Variants in CREB5 observed in about 807,000 individuals in gnomAD.
CREB5 encodes cAMP responsive element binding protein 5, also known as cyclic AMP-responsive element-binding protein 5.
A neutral mutation model predicts 57.1 loss-of-function variants in CREB5; 19 were observed. The ratio of observed to expected loss-of-function variants is 0.33; its 90% CI spans 0.23 to 0.49. The LOEUF is 0.49. Among genes scored for constraint, CREB5 ranks in the 20% least tolerant of loss-of-function variants. The pLI, the probability that CREB5 is intolerant of heterozygous loss-of-function variation, is 0.99. For missense variants in CREB5, 579 were observed against 671.6 expected, an observed-to-expected ratio of 0.86 and a Z score of 1.52; for synonymous variants, 238 against 238.3, an observed-to-expected ratio of 1.00 and a Z score of 0.01.
intron 4 of CREB5, among the ~76,000 whole-genome samples, chr7:28,523,365 A>G (rs1053626203): frequency 1.3e-5 from 2 of 152,212 alleles, no homozygotes; most frequent in African/African-American, 2.4e-5. Context: ...ATGTTCTCCC[A>G]ATTCAATCGA....
At chr7:28,804,121 G>A in intron 7 of CREB5, 78 bp from the exon 8 acceptor site, 2 of 1,333,802 alleles carry the variant, frequency 1.5e-6, no homozygotes, top group South Asian at 1.3e-5. Flanking sequence ...GAAAATGTGA[G>A]TCATTTTGCT....
In CREB5 at chr7:28,731,497, G is replaced by A. The variant is rs573245776; in HGVS notation, c.702+7165G>A. 1.4e-4 allele frequency among the ~76,000 whole-genome samples: 21 copies of A among 152,240 alleles called. 1 individual carries two copies. Among genetic ancestry groups the A allele is most frequent in the South Asian group, 4.1e-4 (2 of 4,820 alleles). Reference sequence around the variant, plus strand: ...AAATTCCAAAACAGGAAGGGAGTTCGGGGATTCTTTTGGCAAAATCGTTTC... The same window carrying A: ...AAATTCCAAAACAGGAAGGGAGTTCAGGGATTCTTTTGGCAAAATCGTTTC... On this transcript the variant is annotated intron_variant, in intron 7 of 10. Transcript: ENST00000357727.
rs1240662799 is a variant in CREB5 at position 28,560,899 on chromosome 7, TGC to T, written c.292-9460_292-9459del. Among the ~76,000 whole-genome samples the T allele has an allele frequency of 3.1e-3, 58 of 18,656 alleles. 3 individuals carry two copies. The highest frequency in any genetic ancestry group is 8.0e-3 in the Admixed American group (15 of 1,886). 12.2% of individuals were successfully genotyped at this position (18,656 alleles called of 152,430 possible). A position where few individuals can be genotyped will look rare whatever the true frequency, so the allele number is the denominator to read the frequency against. On this transcript the variant is annotated intron_variant, in intron 4 of 10. Transcript: ENST00000357727. ...GCGTGCGTGCGTGCGTGTGTGTGCGTGCGCGCGTGCGTGTGCGTGTGTGCGCG... is the reference window on the plus strand; with the variant it reads ...GCGTGCGTGCGTGCGTGTGTGTGCGTGCGCGTGCGTGTGCGTGTGTGCGCG...
intron 5 of CREB5, among the ~76,000 whole-genome samples, chr7:28,692,493 G>T (rs1801329286): frequency 6.6e-6 from 1 of 152,164 alleles, no homozygotes; most frequent in Non-Finnish European, 1.5e-5. Context: ...AAAGAGCATG[G>T]CCTTTGGGAT....
At chr7:28,401,521 G>A (rs976337976) in intron 1 of CREB5, among the ~76,000 whole-genome samples, 8 of 151,792 alleles carry the variant, frequency 5.3e-5, no homozygotes, top group Non-Finnish European at 7.4e-5. Flanking sequence ...CCATTAACTC[G>A]TCATTTACAT....
At chr7:28,560,542 A>C (rs1424568587) in intron 4 of CREB5, among the ~76,000 whole-genome samples, 1 of 152,130 alleles carries the variant, frequency 6.6e-6, no homozygotes, top group Non-Finnish European at 1.5e-5. Context: ...GCCAGGAACC[A>C]GGCTCCTATA....
chr7:28,321,812 T>C (rs995637310), intron 1 of CREB5, among the ~76,000 whole-genome samples: 15 of 152,222 alleles, frequency 9.9e-5, no homozygotes, highest in African/African-American at 3.4e-4. Flanking sequence ...ATTTTCAACA[T>C]GATCACAGAG....
At chr7:28,818,860 A>G (rs573701119) in intron 10 of CREB5, 3 of 571,232 alleles carry the variant, frequency 5.3e-6, no homozygotes, top group African/African-American at 3.7e-5. Context: ...TCACATATCC[A>G]TGACTGAAAC....
intron 5 of CREB5, among the ~76,000 whole-genome samples, chr7:28,690,284 T>A (rs1238191752): frequency 2.0e-5 from 3 of 152,128 alleles, no homozygotes; most frequent in African/African-American, 7.2e-5. Context: ...AGAAGAGGCA[T>A]CAATCTCTTC....
chr7:28,483,301 G>T (rs1003624801), intron 1 of CREB5, among the ~76,000 whole-genome samples: 1 of 152,192 alleles, frequency 6.6e-6, no homozygotes, highest in Admixed American at 6.5e-5. Context: ...AATTTGTGGG[G>T]TCAGACACTG....
rs56266854 is a variant in CREB5, at chr7:28,679,052, CT to C, written c.465-39684del. ...CAAACTCATTTTTACTTTTGTAGTT[CT>C]TTTTTTTTTTTTTTTTCATTTAAGC... On this transcript the variant is annotated intron_variant, in intron 5 of 10. Coordinates refer to ENST00000357727, the MANE Select transcript of CREB5 (RefSeq NM_182898.4). Among the ~76,000 whole-genome samples, 153 of 123,854 alleles carry C rather than the reference CT, an allele frequency of 1.2e-3. 2 individuals carry two copies. The highest frequency in any genetic ancestry group is 4.9e-3 in the Middle Eastern group (1 of 206). 81.3% of individuals were successfully genotyped at this position (123,854 alleles called of 152,430 possible). A position where few individuals can be genotyped will look rare whatever the true frequency, so the allele number is the denominator to read the frequency against.
At chr7:28,403,423 A>G (rs771489361) in intron 1 of CREB5, among the ~76,000 whole-genome samples, 2 of 152,208 alleles carry the variant, frequency 1.3e-5, no homozygotes, top group Non-Finnish European at 2.9e-5. Flanking sequence ...GCATAATAAT[A>G]TCTAAGACTA....
chr7:28,328,196 A>T (rs776516320), intron 1 of CREB5, among the ~76,000 whole-genome samples: 3 of 152,178 alleles, frequency 2.0e-5, no homozygotes, highest in Non-Finnish European at 2.9e-5. Flanking sequence ...TTGCGTGGCA[A>T]CTTTTCATGA....
intron 1 of CREB5, among the ~76,000 whole-genome samples, chr7:28,351,282 A>C (rs1786179954): frequency 6.6e-6 from 1 of 152,178 alleles, no homozygotes; most frequent in Admixed American, 6.5e-5. Context: ...TCCTAGGATT[A>C]TATGGTTATT....
intron 5 of CREB5, among the ~76,000 whole-genome samples, chr7:28,665,917 G>T (rs753324026): frequency 1.4e-4 from 22 of 152,046 alleles, no homozygotes; most frequent in Non-Finnish European, 2.5e-4. Flanking sequence ...AACAAAGAGT[G>T]CTGCCGACAC....
At chr7:28,717,001 G>A (rs1335456421) in intron 5 of CREB5, among the ~76,000 whole-genome samples, 2 of 151,324 alleles carry the variant, frequency 1.3e-5, no homozygotes, top group East Asian at 1.9e-4. Flanking sequence ...GCCTCTCTGT[G>A]TATCTCCTCA....
At chr7:28,719,946 G>A (rs919616271) in intron 6 of CREB5, among the ~76,000 whole-genome samples, 1 of 152,180 alleles carries the variant, frequency 6.6e-6, no homozygotes, top group East Asian at 1.9e-4. Context: ...TGTAGTCCCA[G>A]CTTCTCAGGA....
chr7:28,396,003 A>G lies in CREB5; in HGVS notation c.-25+96562A>G, dbSNP rs554343772. 2.7e-4 allele frequency among the ~76,000 whole-genome samples: 41 copies of G among 152,326 alleles called. No homozygotes were observed. In the South Asian group the frequency reaches 8.3e-3, roughly 31 times the overall value. On this transcript the variant is annotated intron_variant, in intron 1 of 9. Coordinates refer to the CREB5 transcript ENST00000396299. ...CAGACACAAGGCAATCATCAGCTCA[A>G]TTAAACTGGTTATTCTACAAATAAC...
At chr7:28,743,849 T>TTC (rs1554294507) in intron 7 of CREB5, among the ~76,000 whole-genome samples, 8 of 143,898 alleles carry the variant, frequency 5.6e-5, no homozygotes, top group East Asian at 2.0e-4. Flanking sequence ...TTTTTTTTTT[T>TTC]TTTTTTTTTT....
Sources: gnomAD v4.1 joint callset for allele counts (sites outside exome capture counted in the v4.1 genomes callset) on GRCh38, gnomAD v4.1.1 for gene constraint, MANE v1.5 for transcripts, NCBI Gene and HGNC (gene_info 2026-07-23, HGNC 2026-07-21) for gene names.